Variants in ANGPT1 observed in about 807,000 individuals in gnomAD.
The protein encoded by ANGPT1 is angiopoietin-1.
Under a neutral mutation model 62.2 loss-of-function variants are expected in ANGPT1, and 17 were observed. The ratio of observed to expected loss-of-function variants is 0.27; its 90% CI spans 0.19 to 0.41. The LOEUF is 0.41. ANGPT1 is among the 10% of genes least tolerant of loss of function. ANGPT1 has a pLI of 1.00. For synonymous variants in ANGPT1, 199 were observed against 198.9 expected (o/e 1.00, Z 0.00); for missense variants, 478 against 594.9 (o/e 0.80, Z 2.04).
At chr8:107,315,953 T>C (rs915581957) in intron 4 of ANGPT1, among the ~76,000 whole-genome samples, 10 of 152,192 alleles carry the variant, frequency 6.6e-5, no homozygotes, top group African/African-American at 1.9e-4. Context: ...ATCCGATTTA[T>C]CTGCCTGCCA....
intron 1 of ANGPT1, among the ~76,000 whole-genome samples, chr8:107,388,905 A>T (rs1411770130): frequency 6.6e-6 from 1 of 152,190 alleles, no homozygotes; most frequent in African/African-American, 2.4e-5. Flanking sequence ...AGTTTCAAAA[A>T]TCATTATTGT....
intron 2 of ANGPT1, among the ~76,000 whole-genome samples, chr8:107,342,372 C>T (rs767451098): frequency 2.0e-5 from 3 of 152,148 alleles, no homozygotes; most frequent in African/African-American, 4.8e-5. Context: ...AAGAACAAGA[C>T]AGAAACATCC....
chr8:107,265,561 CCT>C (rs1315372842), intron 7 of ANGPT1, among the ~76,000 whole-genome samples: 2 of 152,068 alleles, frequency 1.3e-5, no homozygotes, highest in African/African-American at 4.8e-5. Context: ...GACTCTAGCC[CCT>C]CTCTCTCTAA....
chr8:107,463,484 TGAGA>T (rs1812123049), intron 1 of ANGPT1, among the ~76,000 whole-genome samples: 1 of 152,132 alleles, frequency 6.6e-6, no homozygotes. Context: ...AATGTCCTCC[TGAGA>T]GTTAGAATAT....
chr8:107,291,893 G>T (rs1275260410), intron 6 of ANGPT1, among the ~76,000 whole-genome samples: 3 of 3,086 alleles, frequency 9.7e-4, no homozygotes, highest in South Asian at 0.013. Context: ...ACTGAAGATG[G>T]GGGGGGGGGG....
intron 8 of ANGPT1, among the ~76,000 whole-genome samples, chr8:107,257,876 G>GTCTTTTTTTTTTT (rs1813396590): frequency 1.2e-5 from 1 of 85,260 alleles, no homozygotes; most frequent in Non-Finnish European, 2.3e-5. Context: ...ACTTGTTTTT[G>GTCTTTTTTTTTTT]TTTCTTTTTT....
intron 1 of ANGPT1, among the ~76,000 whole-genome samples, chr8:107,495,635 G>T (rs1813071963): frequency 1.3e-5 from 2 of 152,084 alleles, no homozygotes; most frequent in Non-Finnish European, 2.9e-5. Context: ...TTCCCTCAAA[G>T]AATCCAGACT....
At chr8:107,478,210 C>T (rs1812584702) in intron 1 of ANGPT1, among the ~76,000 whole-genome samples, 1 of 151,284 alleles carries the variant, frequency 6.6e-6, no homozygotes, top group African/African-American at 2.4e-5. Flanking sequence ...TTACATCACT[C>T]CTGCTTCTTT....
chr8:107,332,795 C>G (rs966915356), intron 3 of ANGPT1, among the ~76,000 whole-genome samples: 5 of 152,148 alleles, frequency 3.3e-5, no homozygotes, highest in African/African-American at 1.2e-4. Flanking sequence ...GATAATCCCC[C>G]CTGCAAAGTG....
chr8:107,356,529 C>G (rs934530595), intron 1 of ANGPT1, among the ~76,000 whole-genome samples: 3 of 152,092 alleles, frequency 2.0e-5, no homozygotes, highest in African/African-American at 7.2e-5. Context: ...GGAGGGCATA[C>G]ATTTCTTTTG....
At chr8:107,403,314 C>T (rs976163368) in intron 1 of ANGPT1, among the ~76,000 whole-genome samples, 7 of 151,988 alleles carry the variant, frequency 4.6e-5, no homozygotes, top group South Asian at 4.1e-4. Context: ...TTGTTATTTG[C>T]GATGATTAGC....
At chr8:107,261,582 G>A (rs966347789) in intron 8 of ANGPT1, among the ~76,000 whole-genome samples, 7 of 151,896 alleles carry the variant, frequency 4.6e-5, no homozygotes, top group African/African-American at 1.2e-4. Flanking sequence ...GCAGGTGCCT[G>A]CAGTCCCAGC....
At chr8:107,259,816 G>A (rs963938895) in intron 8 of ANGPT1, among the ~76,000 whole-genome samples, 1 of 151,834 alleles carries the variant, frequency 6.6e-6, no homozygotes, top group South Asian at 2.1e-4. Context: ...TAGTATCAAA[G>A]ATTTTTTTTT....
At chr8:107,320,895 G>A (rs1010066946) in intron 4 of ANGPT1, among the ~76,000 whole-genome samples, 4 of 151,932 alleles carry the variant, frequency 2.6e-5, no homozygotes, top group African/African-American at 9.7e-5. Flanking sequence ...TAAATTAAAG[G>A]AGCCTCCCCA....
At chr8:107,452,687 T>C (rs1283725) in intron 1 of ANGPT1, among the ~76,000 whole-genome samples, 132,749 of 151,896 alleles carry the variant, frequency 0.87, 58,161 homozygotes, top group African/African-American at 0.91. Flanking sequence ...AATACTTATA[T>C]TTCCAGAATT....
At chr8:107,283,913 G>A (rs554429581) in intron 7 of ANGPT1, 4 of 152,300 alleles carry the variant, frequency 2.6e-5, no homozygotes, top group African/African-American at 9.6e-5. Flanking sequence ...TGACTTTGAC[G>A]TCTGTAAGAC....
chr8:107,341,117 C>A (rs746983146), intron 2 of ANGPT1, among the ~76,000 whole-genome samples: 19 of 152,104 alleles, frequency 1.2e-4, no homozygotes, highest in Non-Finnish European at 2.1e-4. Context: ...ATAACCCTAA[C>A]CAAGTTAAAG....
At chr8:107,436,295 C>A (rs1295747754) in intron 1 of ANGPT1, among the ~76,000 whole-genome samples, 3 of 152,188 alleles carry the variant, frequency 2.0e-5, no homozygotes. Flanking sequence ...GGGCCTCAAT[C>A]CTAAGACTTC....
intron 1 of ANGPT1, among the ~76,000 whole-genome samples, chr8:107,367,785 C>A (rs1816307232): frequency 6.6e-6 from 1 of 152,220 alleles, no homozygotes; most frequent in Non-Finnish European, 1.5e-5. Flanking sequence ...TAAGAAGCAA[C>A]TCCTCATCTA....
Sources: allele counts gnomAD v4.1 joint callset (sites outside exome capture counted in the v4.1 genomes callset), GRCh38; gene constraint gnomAD v4.1.1; transcripts MANE v1.5; gene names NCBI Gene and HGNC (gene_info 2026-07-23, HGNC 2026-07-21).